The following ADAMTS6 variants were observed in gnomAD, a reference collection of about 807,000 sequenced individuals.
The protein encoded by ADAMTS6 is ADAM metallopeptidase with thrombospondin type 1 motif 6, also known as A disintegrin and metalloproteinase with thrombospondin motifs 6.
Under a neutral mutation model 144.3 loss-of-function variants are expected in ADAMTS6, and 23 were observed. That is an observed-to-expected ratio of 0.16 (90% CI 0.11 to 0.23). The LOEUF (loss-of-function observed/expected upper bound fraction) is 0.23. Among genes scored for constraint, ADAMTS6 ranks in the 10% least tolerant of loss-of-function variants. ADAMTS6 has a pLI of 1.00. For missense variants in ADAMTS6, 999 were observed against 1,379.6 expected (o/e 0.72, Z 4.37); for synonymous variants, 444 against 457.5 (o/e 0.97, Z 0.38).
At chr5:65,406,130 C>T (rs1400999908) in intron 7 of ADAMTS6, among the ~76,000 whole-genome samples, 2 of 152,092 alleles carry the variant, frequency 1.3e-5, no homozygotes, top group African/African-American at 2.4e-5. Context: ...TAATTGAATA[C>T]CCTTTATTTC....
intron 7 of ADAMTS6, among the ~76,000 whole-genome samples, chr5:65,376,851 A>C (rs1309048590): frequency 6.8e-6 from 1 of 147,330 alleles, no homozygotes; most frequent in Non-Finnish European, 1.5e-5. Context: ...TTAAAAAGCT[A>C]AAAAAAAAAA....
intron 7 of ADAMTS6, among the ~76,000 whole-genome samples, chr5:65,430,644 A>T (rs578232370): frequency 3.3e-5 from 5 of 152,326 alleles, no homozygotes; most frequent in South Asian, 4.1e-4. Context: ...CCCAGTTAGC[A>T]GTTTTTCAAA....
Position 65,273,270 on chromosome 5 carries a change from T to A in ADAMTS6, c.1620+70A>T. On this transcript the variant is annotated intron_variant, in intron 12 of 24. Coordinates refer to ENST00000381055, the MANE Select transcript of ADAMTS6 (RefSeq NM_197941.4). ...ATGAATATATAAGACTTCCTGGTGG[T>A]TGAATATCAGTACCAGCAATTTATC... The A allele has an allele frequency of 2.3e-6, 3 of 1,315,630 alleles. No homozygotes were observed. The South Asian group carries it at 3.8e-5, about 16-fold the overall frequency. The allele number at this position is 1,315,630 out of a possible 1,614,324, so 81.5% of individuals were successfully genotyped here. A position where few individuals can be genotyped will look rare whatever the true frequency, so the allele number is the denominator to read the frequency against.
At chr5:65,343,346 T>A (rs537328315) in intron 7 of ADAMTS6, among the ~76,000 whole-genome samples, 1 of 151,956 alleles carries the variant, frequency 6.6e-6, no homozygotes, top group Non-Finnish European at 1.5e-5. Flanking sequence ...TAAAAACAGA[T>A]GTATAGACCA....
intron 9 of ADAMTS6, among the ~76,000 whole-genome samples, chr5:65,326,563 G>A (rs976575340): frequency 2.0e-5 from 3 of 152,070 alleles, no homozygotes; most frequent in Non-Finnish European, 2.9e-5. Flanking sequence ...TTAAAGAAAG[G>A]GAGAAAATAT....
rs1752098201 is a variant in ADAMTS6, at chr5:65,150,623, T to C, written c.*1213A>G. ...ATTTTCTTCTTTGGTTATTATCCCT[T>C]GCCTACTTTAAAACTCACAGAAATA... On this transcript the variant is annotated 3_prime_UTR_variant, in exon 25 of 25. Coordinates refer to ENST00000381055, the MANE Select transcript of ADAMTS6 (RefSeq NM_197941.4). 6.6e-6 allele frequency: 1 copy of C among 152,658 alleles called. No homozygotes were observed. Among genetic ancestry groups the C allele is most frequent in the South Asian group, 2.1e-4 (1 of 4,830 alleles). 9.5% of individuals were successfully genotyped at this position (152,658 alleles called of 1,614,324 possible).
At chr5:65,406,165 C>T (rs2150173608) in intron 7 of ADAMTS6, among the ~76,000 whole-genome samples, 1 of 152,250 alleles carries the variant, frequency 6.6e-6, no homozygotes. Context: ...TTGCCCTGGC[C>T]AGAGCTTCCA....
chr5:65,415,185 C>T lies in ADAMTS6; in HGVS notation c.1073+36290G>A, dbSNP rs548569737. On this transcript the variant is annotated intron_variant, in intron 7 of 24. Transcript: ENST00000381055. ...GAAATGAGTAAAGGATCTTAATAGA[C>T]ATTTCTCCAAAGAAGATATACACAT... Among the ~76,000 whole-genome samples the T allele has an allele frequency of 1.4e-4, 22 of 152,254 alleles. No individual in the cohort carries two copies. The South Asian group carries it at 4.4e-3, about 30-fold the overall frequency.
chr5:65,428,582 A>G, intron 7 of ADAMTS6, among the ~76,000 whole-genome samples: 1 of 152,200 alleles, frequency 6.6e-6, no homozygotes, highest in East Asian at 1.9e-4. Flanking sequence ...CCAAGCACCA[A>G]AATGGCTCCT....
At chr5:65,288,134 G>A (rs1432459777) in intron 11 of ADAMTS6, among the ~76,000 whole-genome samples, 1 of 151,956 alleles carries the variant, frequency 6.6e-6, no homozygotes, top group Non-Finnish European at 1.5e-5. Flanking sequence ...TAACTAACAT[G>A]TATATTAATG....
At chr5:65,158,330 G>A (rs996004814) in intron 24 of ADAMTS6, among the ~76,000 whole-genome samples, 2 of 152,080 alleles carry the variant, frequency 1.3e-5, no homozygotes, top group Non-Finnish European at 2.9e-5. Flanking sequence ...ATTTACATGA[G>A]GGAGTCTAAG....
intron 20 of ADAMTS6, chr5:65,210,834 G>A: frequency 2.4e-6 from 1 of 415,514 alleles, no homozygotes; most frequent in South Asian, 3.8e-5. Context: ...TGATGGGGAA[G>A]ATGTATAAGA....
At position 65,308,415 on chromosome 5, in the gene ADAMTS6, T is replaced by TCGGGAGACAGTGACAGATCATCAGG. The variant is rs1310915594; in HGVS notation, c.1224-8285_1224-8284insCCTGATGATCTGTCACTGTCTCCCG. On this transcript the variant is annotated intron_variant, in intron 9 of 24. Coordinates refer to ENST00000381055, the MANE Select transcript of ADAMTS6 (RefSeq NM_197941.4). ...TGTTAGGTTTGATCGAAACCTTTAA[T>TCGGGAGACAGTGACAGATCATCAGG]CATTTAATTTCTGTAGGAAAACTAA... Among the ~76,000 whole-genome samples, 28 of 152,358 alleles carry TCGGGAGACAGTGACAGATCATCAGG rather than the reference T, an allele frequency of 1.8e-4. 1 individual carries two copies. The highest frequency in any genetic ancestry group is 3.8e-4 in the Non-Finnish European group (26 of 68,036).
intron 9 of ADAMTS6, among the ~76,000 whole-genome samples, chr5:65,327,815 C>T (rs1034914371): frequency 6.6e-6 from 1 of 152,168 alleles, no homozygotes; most frequent in Non-Finnish European, 1.5e-5. Context: ...TGTGTGTTGA[C>T]ATTGACTAAC....
chr5:65,460,396 C>T (rs1759558964), intron 3 of ADAMTS6, 58 bp from the exon 4 acceptor site: 1 of 1,450,852 alleles, frequency 6.9e-7, no homozygotes, highest in East Asian at 2.3e-5. Context: ...TATTAGTTAT[C>T]ATTATTACCA....
chr5:65,357,038 A>G (rs1749383815), intron 7 of ADAMTS6, among the ~76,000 whole-genome samples: 1 of 151,844 alleles, frequency 6.6e-6, no homozygotes, highest in Non-Finnish European at 1.5e-5. Context: ...GGGTGAAGAC[A>G]AAGGAGGAGA....
At chr5:65,320,259 T>C (rs552429581) in intron 9 of ADAMTS6, among the ~76,000 whole-genome samples, 1 of 152,304 alleles carries the variant, frequency 6.6e-6, no homozygotes, top group East Asian at 1.9e-4. Context: ...GGGAATATAA[T>C]TATTTACAGG....
chr5:65,425,947 T>A (rs886946344), intron 7 of ADAMTS6, among the ~76,000 whole-genome samples: 5 of 151,904 alleles, frequency 3.3e-5, no homozygotes, highest in African/African-American at 1.2e-4. Context: ...GTATTTTTAG[T>A]AGAGACGGGA....
intron 19 of ADAMTS6, among the ~76,000 whole-genome samples, 173 bp from the exon 20 acceptor site, chr5:65,215,105 C>T (rs1282945220): frequency 6.6e-6 from 1 of 152,140 alleles, no homozygotes; most frequent in Non-Finnish European, 1.5e-5. Context: ...TATTTTGGAG[C>T]CATTGCTTTC....
Sources: gnomAD v4.1 joint callset for allele counts (sites outside exome capture counted in the v4.1 genomes callset) on GRCh38, gnomAD v4.1.1 for gene constraint, MANE v1.5 for transcripts, NCBI Gene and HGNC (gene_info 2026-07-23, HGNC 2026-07-21) for gene names.